Variants in NECAB2 observed in about 807,000 individuals in gnomAD.
The protein encoded by NECAB2 is N-terminal EF-hand calcium-binding protein 2.
A neutral mutation model predicts 51.9 loss-of-function variants in NECAB2; 68 were observed. The observed-to-expected ratio is 1.31, with a 90% CI of 1.08 to 1.60. NECAB2 has a LOEUF of 1.60. Ranked by LOEUF, NECAB2 falls within the 40% of genes most tolerant of loss-of-function variation. NECAB2 has a pLI of 0.00. For missense variants in NECAB2, 854 were observed against 490.3 expected (o/e 1.74, Z -7.00); for synonymous variants, 329 against 203.5 (o/e 1.62, Z -5.25).
rs1343141355 is a variant in NECAB2, at chr16:84,002,543, AGGTCCTGGTGAAGCCC to A, written c.*198_*213del. 15 of 698,642 alleles carry A rather than the reference AGGTCCTGGTGAAGCCC, an allele frequency of 2.1e-5. No individual in the cohort carries two copies. Among genetic ancestry groups the A allele is most frequent in the Non-Finnish European group, 3.1e-5 (13 of 417,384 alleles). 43.3% of individuals were successfully genotyped at this position (698,642 alleles called of 1,614,324 possible). A position where few individuals can be genotyped will look rare whatever the true frequency, so the allele number is the denominator to read the frequency against. Reference sequence around the variant, plus strand: ...AAGGCAGAGCAGTGTCTGTGCTGCCAGGTCCTGGTGAAGCCCAAGGTTGAAGGGGGCGGCTTCCTGG... The same window carrying A: ...AAGGCAGAGCAGTGTCTGTGCTGCCAAAGGTTGAAGGGGGCGGCTTCCTGG... On this transcript the variant is annotated 3_prime_UTR_variant, in exon 13 of 13. Coordinates refer to ENST00000305202, the MANE Select transcript of NECAB2 (RefSeq NM_019065.3).
intron 3 of NECAB2, among the ~76,000 whole-genome samples, chr16:83,980,469 G>A (rs118085866): frequency 0.036 from 5,551 of 152,226 alleles, 106 homozygotes; most frequent in South Asian, 0.07. Flanking sequence ...TCGACTGGGG[G>A]TGGGTCAGTG....
intron 11 of NECAB2, 139 bp downstream of exon 11, chr16:84,000,940 T>C: frequency 1.3e-6 from 1 of 798,834 alleles, no homozygotes; most frequent in Non-Finnish European, 2.0e-6. Context: ...CCCGCTGGCA[T>C]GCTTGCGTCA....
At chr16:83,973,756 T>C (rs746275140) in intron 2 of NECAB2, among the ~76,000 whole-genome samples, 7 of 151,752 alleles carry the variant, frequency 4.6e-5, no homozygotes, top group Non-Finnish European at 1.0e-4. Flanking sequence ...TAAATGTCTG[T>C]AGACTTGGTG....
intron 5 of NECAB2, among the ~76,000 whole-genome samples, chr16:83,988,793 A>G (rs561231812): frequency 1.3e-5 from 2 of 152,050 alleles, no homozygotes; most frequent in African/African-American, 2.4e-5. Flanking sequence ...TTCCCTGTGG[A>G]GTCTGTGGAG....
intron 5 of NECAB2, among the ~76,000 whole-genome samples, chr16:83,983,887 T>A (rs142759950): frequency 1.3e-5 from 2 of 152,250 alleles, no homozygotes; most frequent in East Asian, 1.9e-4. Context: ...CGCTTGGGTC[T>A]CAGTGTTAAA....
chr16:83,993,517 A>T (rs187162951), intron 6 of NECAB2: 1 of 154,208 alleles, frequency 6.5e-6, no homozygotes, highest in East Asian at 1.9e-4. Flanking sequence ...GTGTTTCTGT[A>T]TGTCTGCCAG....
At chr16:83,990,968 C>A (rs111418240) in intron 6 of NECAB2, among the ~76,000 whole-genome samples, 233 of 152,122 alleles carry the variant, frequency 1.5e-3, no homozygotes, top group African/African-American at 5.3e-3. Context: ...TGTTGTTTGG[C>A]CCACGTTTTA....
intron 5 of NECAB2, among the ~76,000 whole-genome samples, chr16:83,986,676 C>G (rs999912737): frequency 7.2e-6 from 1 of 139,062 alleles, no homozygotes; most frequent in Non-Finnish European, 1.5e-5. Flanking sequence ...CCACTCACGG[C>G]AAATTTTTTT....
chr16:83,966,010 C>G (rs919240854), upstream of NECAB2: 9 of 1,541,680 alleles, frequency 5.8e-6, no homozygotes, highest in Non-Finnish European at 7.0e-6. Context: ...CACCCTAACA[C>G]TCGGCCAGAC....
chr16:83,969,499 C>A (rs2084325857), intron 1 of NECAB2, among the ~76,000 whole-genome samples: 1 of 151,974 alleles, frequency 6.6e-6, no homozygotes, highest in Non-Finnish European at 1.5e-5. Context: ...ATTCCAAGTC[C>A]TCTGTTCCCT....
chr16:83,986,701 G>A (rs2084561532), intron 5 of NECAB2, among the ~76,000 whole-genome samples: 2 of 137,514 alleles, frequency 1.5e-5, no homozygotes, highest in Non-Finnish European at 3.0e-5. Context: ...TTTTTTTTTG[G>A]TAGAGACAGG....
At chr16:84,000,988 T>G (rs2084820245) in intron 11 of NECAB2, among the ~76,000 whole-genome samples, 187 bp downstream of exon 11, 1 of 149,554 alleles carries the variant, frequency 6.7e-6, no homozygotes, top group African/African-American at 2.5e-5. Flanking sequence ...TGGTGGGTAG[T>G]GAGAGCCCCC....
rs150583321 is a variant in NECAB2 at position 84,000,048 on chromosome 16, A to G, written c.963-676A>G. The stretch of plus-strand genomic sequence containing the variant: ...ATTACAGGGATGTGCCACCAGGCCC[A>G]GCAAGTTTTATTTTTTTTTTTTTTA... On this transcript the variant is annotated intron_variant, in intron 10 of 12. Transcript: ENST00000305202. Among the ~76,000 whole-genome samples, 733 of 140,956 alleles carry G rather than the reference A, an allele frequency of 5.2e-3. 7 individuals carry two copies. The highest frequency in any genetic ancestry group is 0.022 in the African/African-American group (705 of 31,488). 92.5% of individuals were successfully genotyped at this position (140,956 alleles called of 152,430 possible). A position where few individuals can be genotyped will look rare whatever the true frequency, so the allele number is the denominator to read the frequency against.
intron 6 of NECAB2, among the ~76,000 whole-genome samples, chr16:83,991,014 G>C (rs987503346): frequency 6.6e-6 from 1 of 152,114 alleles, no homozygotes; most frequent in South Asian, 2.1e-4. Context: ...GACAAAAAGT[G>C]TCGCTCTGTC....
chr16:83,967,970 G>C (rs1172654130), upstream of NECAB2, among the ~76,000 whole-genome samples: 1 of 149,666 alleles, frequency 6.7e-6, no homozygotes, highest in Non-Finnish European at 1.5e-5. Flanking sequence ...TGATGGACGG[G>C]TAGGCAGGTG....
chr16:83,969,113 G>T (rs1444207114), intron 1 of NECAB2, among the ~76,000 whole-genome samples: 3 of 151,118 alleles, frequency 2.0e-5, no homozygotes, highest in Non-Finnish European at 4.4e-5. Flanking sequence ...CCTGCCCACA[G>T]TGGGGAGCCG....
rs1483957272 is a variant in NECAB2 at position 83,994,414 on chromosome 16, C to G, written c.709C>G (p.Pro237Ala). Residue 237 changes from proline to alanine, a missense_variant, in exon 7 of 13, where the codon CCA (proline) becomes GCA (alanine). Coordinates refer to ENST00000305202, the MANE Select transcript of NECAB2 (RefSeq NM_019065.3). ...GGCTATGGAACAAGGCAAGACCCTTCCATCTGGTGAGAGAAAGCGGGGGCC... is the reference window on the plus strand; with the variant it reads ...GGCTATGGAACAAGGCAAGACCCTTGCATCTGGTGAGAGAAAGCGGGGGCC... ...LMAMEQGKTL[P>A]SATEDAKEEG... 4 of 1,613,968 alleles carry G rather than the reference C, an allele frequency of 2.5e-6. No homozygotes were observed. The African/African-American group carries it at 5.3e-5, about 22-fold the overall frequency.
At chr16:83,999,400 G>A (rs573934174) in intron 10 of NECAB2, among the ~76,000 whole-genome samples, 2 of 152,322 alleles carry the variant, frequency 1.3e-5, no homozygotes, top group South Asian at 4.1e-4. Context: ...GCGCTGTGGA[G>A]AGGAGGCACG....
chr16:84,001,257 T>G (rs9925341), intron 11 of NECAB2, among the ~76,000 whole-genome samples: 1 of 99,768 alleles, frequency 1.0e-5, no homozygotes, highest in African/African-American at 1.6e-4. Flanking sequence ...CTTAGGCCTT[T>G]GTCCTCTGCT....
Sources: gnomAD v4.1 joint callset for allele counts (sites outside exome capture counted in the v4.1 genomes callset) on GRCh38, gnomAD v4.1.1 for gene constraint, MANE v1.5 for transcripts, NCBI Gene and HGNC (gene_info 2026-07-23, HGNC 2026-07-21) for gene names.